The following NOS3 variants were observed in gnomAD, a reference collection of about 807,000 sequenced individuals.
The protein encoded by NOS3 is NOS type III.
NOS3 carries 98 observed loss-of-function variants against 144.9 expected under a neutral mutation model. The ratio of observed to expected loss-of-function variants is 0.68; its 90% CI spans 0.57 to 0.80. The LOEUF (loss-of-function observed/expected upper bound fraction) is 0.80. NOS3 is among the 30% of genes least tolerant of loss of function. The pLI, the probability that NOS3 is intolerant of heterozygous loss-of-function variation, is 0.00. For synonymous variants in NOS3, 714 were observed against 702.4 expected, an observed-to-expected ratio of 1.02 and a Z score of -0.26; for missense variants, 1,465 against 1,656.4, an observed-to-expected ratio of 0.88 and a Z score of 2.01.
rs1273830287 is a variant in NOS3, at chr7:151,003,428, C to G, written c.1752+1124C>G. On this transcript the variant is annotated intron_variant, in intron 14 of 26. Transcript: ENST00000297494. The surrounding 1 kb of genome is among the most constrained non-coding windows in gnomAD (Gnocchi z 4.1). ...GACGTGAGCCACTGCACCTGGCCCT[C>G]AGTATCTTAAGCAAGTTGGAATCTC... 8.2e-7 allele frequency: 1 copy of G among 1,218,406 alleles called. No homozygotes were observed. The highest frequency in any genetic ancestry group is 2.9e-5 in the Admixed American group (1 of 34,962). 75.5% of individuals were successfully genotyped at this position (1,218,406 alleles called of 1,614,324 possible). A position where few individuals can be genotyped will look rare whatever the true frequency, so the allele number is the denominator to read the frequency against.
rs570671592 is a variant in NOS3 at position 150,999,158 on chromosome 7, G to A, written c.957-32G>A. On this transcript the variant is annotated intron_variant, in intron 8 of 26. Transcript: ENST00000297494. ...GAGCCTCTCAAGAAGGGCCTGCAAG[G>A]GGGTGCTGATCCCACACCCCAACAC... 1.1e-5 allele frequency: 18 copies of A among 1,610,698 alleles called. 1 individual carries two copies. The South Asian group carries it at 1.3e-4, about 12-fold the overall frequency.
At position 150,996,454 on chromosome 7, in the gene NOS3, G is replaced by A; in HGVS notation, c.321G>A (p.Arg107=). 6.3e-7 allele frequency: 1 copy of A among 1,574,802 alleles called. No individual in the cohort carries two copies. Among genetic ancestry groups the A allele is most frequent in the Non-Finnish European group, 8.6e-7 (1 of 1,162,484 alleles). The change falls in exon 4 of 27, where the codon CGG becomes CGA. Residue 107 remains arginine, a synonymous_variant. Transcript: ENST00000297494. Reference sequence around the variant, plus strand: ...GCCTGGGCTCCCTGGTATTTCCACGGAAACTACAGGGCCGGCCCTCCCCCG... The same window carrying A: ...GCCTGGGCTCCCTGGTATTTCCACGAAAACTACAGGGCCGGCCCTCCCCCG... ...RRCLGSLVFP[R]KLQGRPSPGP... is the part of the protein sequence containing the mutation.
In NOS3 at chr7:151,014,102, A is replaced by G. The variant is rs1336567589; in HGVS notation, c.3545A>G (p.Glu1182Gly). ...CGCACCCAGAGCTTTTCCTTGCAGG[A>G]GCGTCAGTTGCGGGGCGCAGTGCCC... ...RIRTQSFSLQERQLRGAVPWA... is the reference protein window; with the variant it reads ...RIRTQSFSLQGRQLRGAVPWA... The change falls in exon 27 of 27, where the codon GAG becomes GGG. Residue 1182 changes from glutamate to glycine, a missense_variant. Glu to Gly is a moderately conservative substitution (Grantham distance 98). Around this residue, in one of 5 missense-constraint regions of NOS3, gnomAD observed 228 missense variants for 227.7 expected, o/e 1.00. Transcript: ENST00000297494. 1.2e-6 allele frequency: 2 copies of G among 1,613,658 alleles called. No homozygotes were observed. The highest frequency in any genetic ancestry group is 1.7e-6 in the Non-Finnish European group (2 of 1,179,816).
chr7:151,010,461 A>C, intron 21 of NOS3, 136 bp from the exon 22 acceptor site: 1 of 1,092,236 alleles, frequency 9.2e-7, no homozygotes, highest in East Asian at 2.6e-5. Context: ...TGGATTCTCC[A>C]GGTCTTAGAG....
Position 151,003,148 on chromosome 7 carries a change from C to A in NOS3, c.1752+844C>A, listed in dbSNP as rs1459874442. 1 of 452,658 alleles carries A rather than the reference C, an allele frequency of 2.2e-6. No individual in the cohort carries two copies. Among genetic ancestry groups the A allele is most frequent in the Non-Finnish European group, 4.4e-6 (1 of 226,396 alleles). The allele number at this position is 452,658 out of a possible 1,614,324, so 28.0% of individuals were successfully genotyped here. A position where few individuals can be genotyped will look rare whatever the true frequency, so the allele number is the denominator to read the frequency against. ...CTCTTTTTTCTTTTTTCCTTTGAGACAGGGTCTCACTTTGTGGCCCAGGCT... is the reference window on the plus strand; with the variant it reads ...CTCTTTTTTCTTTTTTCCTTTGAGAAAGGGTCTCACTTTGTGGCCCAGGCT... On this transcript the variant is annotated intron_variant, in intron 14 of 26. Transcript: ENST00000297494. The surrounding 1 kb of genome is among the most constrained non-coding windows in gnomAD (Gnocchi z 4.1).
chr7:150,993,862 G>A lies in NOS3; in HGVS notation c.59G>A (p.Gly20Glu). ...EPGPPCGLGL[G>E]LGLGLCGKQG... ...GGGCCACCCTGCGGCCTGGGGCTGG[G>A]GCTGGGCCTTGGGCTGTGCGGCAAG... Residue 20 changes from glycine (G) to glutamate (E), a missense_variant, in exon 2 of 27, where the codon GGG becomes GAG. This residue lies in a region of NOS3 where 374 missense variants were observed against 377.0 expected (regional missense o/e 0.99). Transcript: ENST00000297494. The surrounding 1 kb of genome is among the most constrained non-coding windows in gnomAD (Gnocchi z 4.0). The A allele has an allele frequency of 1.2e-6, 2 of 1,604,140 alleles. No homozygotes were observed. The highest frequency in any genetic ancestry group is 8.5e-7 in the Non-Finnish European group (1 of 1,177,460).
chr7:150,998,565 G>A lies in NOS3; in HGVS notation c.701G>A (p.Arg234His), dbSNP rs758294669. 5.0e-6 allele frequency: 8 copies of A among 1,609,438 alleles called. No homozygotes were observed. Among genetic ancestry groups the A allele is most frequent in the East Asian group, 4.5e-5 (2 of 44,786 alleles). Residue 234 changes from arginine to histidine, a missense_variant, in exon 7 of 27, where the codon CGC becomes CAC. Transcript: ENST00000297494. This position sits in a 1 kb window ranked among gnomAD's most constrained non-coding sequence, Gnocchi z 5.0. ...TCGGCCATCACAGTGTTCCCGCAGC[G>A]CTGCCCTGGCCGAGGAGACTTCCGA... ...LRSAITVFPQ[R>H]CPGRGDFRIW...
rs1795272733 is a variant in NOS3 at position 151,010,159 on chromosome 7, T to G, written c.2557T>G (p.Cys853Gly). 6.2e-7 allele frequency: 1 copy of G among 1,610,604 alleles called. No homozygotes were observed. Among genetic ancestry groups the G allele is most frequent in the Non-Finnish European group, 8.5e-7 (1 of 1,179,202 alleles). The change falls in exon 21 of 27, where the codon TGC (cysteine) becomes GGC (glycine). Residue 853 changes from cysteine (C) to glycine (G), a missense_variant. Physicochemically the swap from Cys to Gly is radical, Grantham distance 159. This residue lies in a region of NOS3 where 745 missense variants were observed against 853.9 expected (regional missense o/e 0.87). Transcript: ENST00000297494. ...GWVRDPRLPP[C>G]TLRQALTFFL... ...GGTGCGGGACCCCCGGCTGCCCCCG[T>G]GCACGCTGCGCCAGGCTCTCACCTT...
chr7:151,001,683 C>A lies in NOS3; in HGVS notation c.1502+66C>A. The A allele has an allele frequency of 2.6e-6, 4 of 1,561,700 alleles. No individual in the cohort carries two copies. In the South Asian group the frequency reaches 3.3e-5, roughly 13 times the overall value. The stretch of plus-strand genomic sequence containing the variant: ...GGGGCCCCACTCTCCCCCACACACC[C>A]TGGGGGACCCTGCCCCAGCAGTGTT... On this transcript the variant is annotated intron_variant, in intron 12 of 26. Coordinates refer to ENST00000297494, the MANE Select transcript of NOS3 (RefSeq NM_000603.5).
At chr7:151,013,122 T>C in intron 24 of NOS3, 109 bp from the exon 25 acceptor site, 1 of 1,222,390 alleles carries the variant, frequency 8.2e-7, no homozygotes, top group East Asian at 2.4e-5. Flanking sequence ...TAATGGTGGT[T>C]TCAGCCCAAA....
intron 4 of NOS3, 31 bp from the exon 5 acceptor site, chr7:150,996,732 C>G: frequency 6.2e-7 from 1 of 1,607,240 alleles, no homozygotes; most frequent in East Asian, 2.2e-5. Context: ...CAACTTCCTG[C>G]TTGTCCCCTT....
Position 151,014,359 on chromosome 7 carries a change from C to T in NOS3, c.*190C>T. ...TCTTTTCCCTCTCTAGGCCTGTTGCCTCGGGCCTGGGTCCGCCTTAATCTG... is the reference window on the plus strand; with the variant it reads ...TCTTTTCCCTCTCTAGGCCTGTTGCTTCGGGCCTGGGTCCGCCTTAATCTG... On this transcript the variant is annotated 3_prime_UTR_variant, in exon 27 of 27. Coordinates refer to ENST00000297494, the MANE Select transcript of NOS3 (RefSeq NM_000603.5). 1.6e-6 allele frequency: 1 copy of T among 639,972 alleles called. No homozygotes were observed. Among genetic ancestry groups the T allele is most frequent in the Non-Finnish European group, 2.6e-6 (1 of 390,134 alleles). 39.6% of individuals were successfully genotyped at this position (639,972 alleles called of 1,614,324 possible). A position where few individuals can be genotyped will look rare whatever the true frequency, so the allele number is the denominator to read the frequency against.
intron 1 of NOS3, among the ~76,000 whole-genome samples, chr7:150,991,673 C>T (rs1802257206): frequency 6.6e-6 from 1 of 152,108 alleles, no homozygotes; most frequent in Non-Finnish European, 1.5e-5. Context: ...CAGGTGGCCA[C>T]AGGGACGGGC....
chr7:151,010,001 C>G, intron 20 of NOS3, 114 bp from the exon 21 acceptor site: 1 of 702,326 alleles, frequency 1.4e-6, no homozygotes, highest in African/African-American at 1.8e-5. Context: ...CTAGACAGGC[C>G]GACCCCGCTG....
At chr7:151,012,059 G>GA in intron 23 of NOS3, 2 of 374,238 alleles carry the variant, frequency 5.3e-6, no homozygotes, top group Non-Finnish European at 1.0e-5. Flanking sequence ...CACACTTAGT[G>GA]AACCCATTAT....
chr7:150,995,514 C>A (rs1034957447), intron 3 of NOS3, among the ~76,000 whole-genome samples, 200 bp downstream of exon 3: 5 of 151,034 alleles, frequency 3.3e-5, no homozygotes, highest in Non-Finnish European at 5.9e-5. Flanking sequence ...AGCCTTACCC[C>A]CAACCCTGGC....
In NOS3 at chr7:151,000,495, C is replaced by T. The variant is rs1159109200; in HGVS notation, c.1132-3C>T. The T allele has an allele frequency of 1.9e-6, 3 of 1,599,624 alleles. No individual in the cohort carries two copies. The highest frequency in any genetic ancestry group is 1.1e-5 in the South Asian group (1 of 90,782). On this transcript the variant is annotated splice_region_variant and splice_polypyrimidine_tract_variant and intron_variant, in intron 9 of 26. Coordinates refer to ENST00000297494, the MANE Select transcript of NOS3 (RefSeq NM_000603.5). ...ACCGATGCCACACACCCTTCTGCCC[C>T]AGGATGTGGCTGTCTGCATGGACCT...
rs3918175 is a variant in NOS3 at position 151,000,719 on chromosome 7, G to T, written c.1233+120G>T. On this transcript the variant is annotated intron_variant, in intron 10 of 26. Transcript: ENST00000297494. The stretch of plus-strand genomic sequence containing the variant: ...GGCAGGATTTGGACAGGCAGAAGAA[G>T]TTCCGTAGTCCCAGTGCCATGGCGC... 249 of 687,562 alleles carry T rather than the reference G, an allele frequency of 3.6e-4. 1 individual carries two copies. In the African/African-American group the frequency reaches 4.1e-3, roughly 11 times the overall value. 42.6% of individuals were successfully genotyped at this position (687,562 alleles called of 1,614,324 possible). A position where few individuals can be genotyped will look rare whatever the true frequency, so the allele number is the denominator to read the frequency against.
Position 151,013,266 on chromosome 7 carries a change from T to C in NOS3, c.3142T>C (p.Cys1048Arg), listed in dbSNP as rs749352041. ...QPTPMTLVFG[C>R]RCSQLDHLYR... is the part of the protein sequence containing the mutation. ...CACTCCCATGACTTTGGTGTTCGGC[T>C]GCCGATGCTCCCAACTTGACCATCT... Residue 1048 changes from cysteine to arginine, a missense_variant, in exon 25 of 27, where the codon TGC becomes CGC. Coordinates refer to ENST00000297494, the MANE Select transcript of NOS3 (RefSeq NM_000603.5). The C allele has an allele frequency of 3.1e-6, 5 of 1,614,008 alleles. No homozygotes were observed. In the East Asian group the frequency reaches 8.9e-5, roughly 29 times the overall value.
Sources: allele counts gnomAD v4.1 joint callset (sites outside exome capture counted in the v4.1 genomes callset), GRCh38; gene constraint gnomAD v4.1.1; regional missense constraint gnomAD v4.1.1; non-coding constraint Gnocchi (gnomAD v3.1); transcripts MANE v1.5; gene names NCBI Gene and HGNC (gene_info 2026-07-23, HGNC 2026-07-21).